GABRR1: variants seen among roughly 807,000 people sequenced by gnomAD.
GABRR1 encodes the protein gamma-aminobutyric acid receptor subunit rho-1.
Under a neutral mutation model 55.5 loss-of-function variants are expected in GABRR1, and 59 were observed. The observed-to-expected ratio is 1.06, with a 90% CI of 0.86 to 1.32. GABRR1 has a LOEUF of 1.32. GABRR1 is among the 40% of genes most tolerant of loss of function. GABRR1 has a pLI of 0.00. For missense variants in GABRR1, 602 were observed against 619.1 expected (o/e 0.97, Z 0.29); for synonymous variants, 213 against 226.0 (o/e 0.94, Z 0.51).
intron 7 of GABRR1, among the ~76,000 whole-genome samples, chr6:89,182,774 G>T (rs1416901485): frequency 6.6e-6 from 1 of 152,090 alleles, no homozygotes; most frequent in Admixed American, 6.5e-5. Context: ...CACTTTGGGA[G>T]GCCAAGGCGG....
Position 89,204,349 on chromosome 6 carries a change from C to T in GABRR1, c.123-864G>A, listed in dbSNP as rs376985522. On this transcript the variant is annotated intron_variant, in intron 1 of 9. Coordinates refer to ENST00000454853, the MANE Select transcript of GABRR1 (RefSeq NM_002042.5). ...TCTGCAGGCGTGGGCAGAGCTAAGA[C>T]TGGGGAGTGGCATGCGCTTCAGGCG... 7.9e-5 allele frequency among the ~76,000 whole-genome samples: 12 copies of T among 152,348 alleles called. No individual in the cohort carries two copies. The East Asian group carries it at 1.9e-3, about 24-fold the overall frequency.
chr6:89,227,521 T>C (rs1773220086), intron 1 of GABRR1, among the ~76,000 whole-genome samples: 1 of 12,348 alleles, frequency 8.1e-5, no homozygotes, highest in African/African-American at 8.7e-4. Context: ...ATTGAGATAA[T>C]CATGTGGTTT....
intron 2 of GABRR1, among the ~76,000 whole-genome samples, chr6:89,202,850 A>T (rs1772522116): frequency 6.6e-6 from 1 of 152,028 alleles, no homozygotes; most frequent in African/African-American, 2.4e-5. Flanking sequence ...AGTAGCTGGG[A>T]CTACAGGTAC....
chr6:89,219,597 G>A (rs1188847162), upstream of GABRR1, among the ~76,000 whole-genome samples: 6 of 152,164 alleles, frequency 3.9e-5, no homozygotes, highest in East Asian at 7.7e-4. Context: ...CTTGTCCAGC[G>A]GGTCCTCCAG....
chr6:89,217,329 C>G lies in GABRR1; in HGVS notation c.-7G>C, dbSNP rs571886283. On this transcript the variant is annotated 5_prime_UTR_variant, in exon 1 of 10. Coordinates refer to ENST00000454853, the MANE Select transcript of GABRR1 (RefSeq NM_002042.5). ...TATTTGGGACAGCCAACATGGGTTT[C>G]CAAATTCAAACAGCTCTCTCCAGAA... 1 of 1,613,864 alleles carries G rather than the reference C, an allele frequency of 6.2e-7. No homozygotes were observed. Among genetic ancestry groups the G allele is most frequent in the South Asian group, 1.1e-5 (1 of 91,012 alleles).
At chr6:89,190,073 T>A in intron 6 of GABRR1, 92 bp downstream of exon 6, 2 of 784,822 alleles carry the variant, frequency 2.5e-6, no homozygotes, top group Non-Finnish European at 4.0e-6. Context: ...TACTCATGAA[T>A]AAGGAACACA....
intron 5 of GABRR1, among the ~76,000 whole-genome samples, chr6:89,196,266 A>G (rs1322448262): frequency 6.6e-6 from 1 of 152,246 alleles, no homozygotes; most frequent in Non-Finnish European, 1.5e-5. Flanking sequence ...TTTATAATAA[A>G]GAGCATTATA....
At chr6:89,215,310 G>A (rs1015342385) in intron 1 of GABRR1, among the ~76,000 whole-genome samples, 1 of 152,242 alleles carries the variant, frequency 6.6e-6, no homozygotes, top group Non-Finnish European at 1.5e-5. Flanking sequence ...ATCAATGGAT[G>A]AATGGATAAA....
At chr6:89,202,601 C>T (rs1772513007) in intron 2 of GABRR1, among the ~76,000 whole-genome samples, 1 of 151,930 alleles carries the variant, frequency 6.6e-6, no homozygotes, top group Non-Finnish European at 1.5e-5. Flanking sequence ...CCAGGTGTTG[C>T]TCTTACTGGT....
intron 1 of GABRR1, among the ~76,000 whole-genome samples, chr6:89,209,146 G>A (rs1270872018): frequency 4.1e-5 from 6 of 146,040 alleles, no homozygotes; most frequent in African/African-American, 8.0e-5. Flanking sequence ...TCCAAGTTGC[G>A]GGCTTAAAAA....
At position 89,223,888 on chromosome 6, in the gene GABRR1, C is replaced by G. The variant is rs1005190145; in HGVS notation, c.-410-2442G>C. Among the ~76,000 whole-genome samples the G allele has an allele frequency of 2.0e-5, 3 of 151,612 alleles. No individual in the cohort carries two copies. In the East Asian group the frequency reaches 5.8e-4, roughly 29 times the overall value. On this transcript the variant is annotated intron_variant, in intron 1 of 11. Transcript: ENST00000369451. The stretch of plus-strand genomic sequence containing the variant: ...AAGCGATTCTCCAGCCTCAGCCTCT[C>G]GAGTAGCTGGGACTACAGGCATATG...
intron 1 of GABRR1, chr6:89,204,516 C>T (rs1772582453): frequency 1.7e-6 from 1 of 591,486 alleles, no homozygotes. Context: ...AATCAGCCCC[C>T]TACATGGGCA....
chr6:89,178,744 T>C lies in GABRR1; in HGVS notation c.*26A>G. The C allele has an allele frequency of 1.3e-6, 2 of 1,574,816 alleles. No individual in the cohort carries two copies. The highest frequency in any genetic ancestry group is 1.7e-6 in the Non-Finnish European group (2 of 1,144,962). ...ATTTCTGTAGTGCATGCCATGGAAA[T>C]GTGAAATTTGTAGAATTACAAGCAT... On this transcript the variant is annotated 3_prime_UTR_variant, in exon 10 of 10. Transcript: ENST00000454853.
intron 5 of GABRR1, among the ~76,000 whole-genome samples, chr6:89,196,875 G>GAAAGAAAGA (rs769520512): frequency 0.037 from 4,972 of 134,498 alleles, 233 homozygotes; most frequent in Admixed American, 0.05. Flanking sequence ...AAGAAAGAAA[G>GAAAGAAAGA]AAAGAGAAGA....
chr6:89,185,331 G>A lies in GABRR1; in HGVS notation c.775C>T (p.Leu259=). Reference sequence around the variant, plus strand: ...TTACCTGTGCTGCTGTAGAAAGCCAGTTTGGTGGTGGTGTGGAATTCCTGA... The same window carrying A: ...TTACCTGTGCTGCTGTAGAAAGCCAATTTGGTGGTGGTGTGGAATTCCTGA... ...LIQEFHTTTK[L]AFYSSTGWYN... The change falls in exon 7 of 10, where the codon CTG becomes TTG. Residue 259 remains leucine (L), a synonymous_variant. Transcript: ENST00000454853. The A allele has an allele frequency of 6.2e-7, 1 of 1,614,016 alleles. No individual in the cohort carries two copies. The highest frequency in any genetic ancestry group is 8.5e-7 in the Non-Finnish European group (1 of 1,179,868).
chr6:89,203,929 AGAG>A (rs1457355322), intron 1 of GABRR1, among the ~76,000 whole-genome samples: 2 of 152,208 alleles, frequency 1.3e-5, no homozygotes, highest in Non-Finnish European at 2.9e-5. Flanking sequence ...AGGAGATGAG[AGAG>A]GAGGAGGAGG....
upstream of GABRR1, among the ~76,000 whole-genome samples, chr6:89,221,867 C>T (rs776895417): frequency 4.6e-5 from 7 of 152,150 alleles, no homozygotes; most frequent in Non-Finnish European, 1.0e-4. Context: ...CTCACTGTAT[C>T]GTCAAGCCTA....
At chr6:89,196,855 G>GAAAGAAAGAAAGAAA (rs1562296739) in intron 5 of GABRR1, among the ~76,000 whole-genome samples, 1 of 135,776 alleles carries the variant, frequency 7.4e-6, no homozygotes, top group African/African-American at 2.8e-5. Flanking sequence ...AAGAAAGAAA[G>GAAAGAAAGAAAGAAA]AAAGAAAGAA....
intron 1 of GABRR1, among the ~76,000 whole-genome samples, chr6:89,223,710 C>CT (rs200773450): frequency 0.015 from 1,976 of 136,150 alleles, 36 homozygotes; most frequent in Admixed American, 0.062. Flanking sequence ...ACACCAATAT[C>CT]TTTTTTTTTT....
Sources: allele counts gnomAD v4.1 joint callset (sites outside exome capture counted in the v4.1 genomes callset), GRCh38; gene constraint gnomAD v4.1.1; transcripts MANE v1.5; gene names NCBI Gene and HGNC (gene_info 2026-07-23, HGNC 2026-07-21).